The following ACOT7 variants were observed in gnomAD, a reference collection of about 807,000 sequenced individuals.
ACOT7 encodes cytosolic acyl coenzyme A thioester hydrolase.
In ACOT7, 12 loss-of-function variants were observed where a neutral mutation model predicts 40.2. The ratio of observed to expected loss-of-function variants is 0.30; its 90% CI spans 0.19 to 0.48. The LOEUF is 0.48. Ranked by LOEUF, ACOT7 falls within the 20% of genes least tolerant of loss-of-function variation. The pLI, the probability that ACOT7 is intolerant of heterozygous loss-of-function variation, is 0.99. For synonymous variants in ACOT7, 228 were observed against 219.5 expected (o/e 1.04, Z -0.34); for missense variants, 395 against 530.8 (o/e 0.74, Z 2.51).
Position 6,339,988 on chromosome 1 carries a change from T to C in ACOT7, c.262-399A>G, listed in dbSNP as rs570383949. Among the ~76,000 whole-genome samples the C allele has an allele frequency of 2.1e-4, 32 of 150,026 alleles. 2 individuals are homozygous for C. The highest frequency in any genetic ancestry group is 6.8e-4 in the African/African-American group (27 of 39,842). On this transcript the variant is annotated intron_variant, in intron 2 of 8. Coordinates refer to ENST00000361521, the MANE Select transcript of ACOT7 (RefSeq NM_007274.4). Reference sequence around the variant, plus strand: ...TTTGTTTTGTTTTTTGTTTTTGAGATGGAGTCTCGCTCTGTCACCCAGGCT... The same window carrying C: ...TTTGTTTTGTTTTTTGTTTTTGAGACGGAGTCTCGCTCTGTCACCCAGGCT...
At chr1:6,372,869 T>C (rs1450034337) in intron 1 of ACOT7, among the ~76,000 whole-genome samples, 1 of 152,038 alleles carries the variant, frequency 6.6e-6, no homozygotes, top group Non-Finnish European at 1.5e-5. Context: ...TGGCTTAAAG[T>C]GAGAGATGTG....
chr1:6,313,738 A>T (rs1640406694), intron 6 of ACOT7, among the ~76,000 whole-genome samples: 1 of 152,172 alleles, frequency 6.6e-6, no homozygotes, highest in Non-Finnish European at 1.5e-5. Flanking sequence ...GCCACAGGGC[A>T]GCAGAAGCCT....
At position 6,393,358 on chromosome 1, in the gene ACOT7, T is replaced by C; in HGVS notation, c.42A>G (p.Pro14=). ...GCGGCTGCAGAAGGGCGCAGGTGTC[T>C]GGCAGGCCCGGCGCGGAATGAATGA... The part of the protein sequence containing the change: ...PGLIHSAPGL[P]DTCALLQPPA... Residue 14 remains proline, a synonymous_variant, in exon 1 of 9, where the codon CCA becomes CCG. Coordinates refer to ENST00000361521, the MANE Select transcript of ACOT7 (RefSeq NM_007274.4). 3.2e-6 allele frequency: 4 copies of C among 1,241,180 alleles called. No homozygotes were observed. The highest frequency in any genetic ancestry group is 4.0e-6 in the Non-Finnish European group (4 of 991,368). The allele number at this position is 1,241,180 out of a possible 1,614,324, so 76.9% of individuals were successfully genotyped here. A position where few individuals can be genotyped will look rare whatever the true frequency, so the allele number is the denominator to read the frequency against.
At chr1:6,332,286 T>G (rs116042057) in intron 4 of ACOT7, among the ~76,000 whole-genome samples, 1 of 152,198 alleles carries the variant, frequency 6.6e-6, no homozygotes, top group South Asian at 2.1e-4. Flanking sequence ...CTGGGGGCTG[T>G]GGCCTGTGGA....
chr1:6,306,435 A>C lies in ACOT7; in HGVS notation c.713-11455T>G. 1 of 985,218 alleles carries C rather than the reference A, an allele frequency of 1.0e-6. No homozygotes were observed. The highest frequency in any genetic ancestry group is 1.2e-6 in the Non-Finnish European group (1 of 829,872). 61.0% of individuals were successfully genotyped at this position (985,218 alleles called of 1,614,324 possible). ...CTTGGACTGGAGTGATATGAACCCC[A>C]CGCCCAGGCTTTCAGGGTTGACACC... On this transcript the variant is annotated intron_variant, in intron 6 of 8. Transcript: ENST00000361521. The surrounding 1 kb of genome is among the most constrained non-coding windows in gnomAD (Gnocchi z 4.3).
rs145737349 is a variant in ACOT7 at position 6,281,475 on chromosome 1, T to C, written c.830-189A>G. On this transcript the variant is annotated intron_variant, in intron 7 of 8. Coordinates refer to ENST00000361521, the MANE Select transcript of ACOT7 (RefSeq NM_007274.4). ...TGCCCATGAATGTTTATCTTTCTAG[T>C]GAGCAGGTTTATCTACGCTAAAATT... Among the ~76,000 whole-genome samples, 382 of 152,370 alleles carry C rather than the reference T, an allele frequency of 2.5e-3. 1 individual carries two copies. The highest frequency in any genetic ancestry group is 8.9e-3 in the African/African-American group (370 of 41,586).
At chr1:6,341,168 GTC>G (rs1286506641) in intron 2 of ACOT7, among the ~76,000 whole-genome samples, 2 of 151,418 alleles carry the variant, frequency 1.3e-5, no homozygotes, top group Admixed American at 1.3e-4. Flanking sequence ...TTGAGATGGA[GTC>G]TCACTCTGTT....
rs372862725 is a variant in ACOT7, at chr1:6,336,724, G to C, written c.418+2709C>G. ...CACCCATTCAGCCAGTGCTCCCCGT[G>C]TGCCCACAGTGTGCCAGGCACTGTT... On this transcript the variant is annotated intron_variant, in intron 3 of 8. Coordinates refer to ENST00000361521, the MANE Select transcript of ACOT7 (RefSeq NM_007274.4). 4.6e-5 allele frequency among the ~76,000 whole-genome samples: 7 copies of C among 152,126 alleles called. No homozygotes were observed. The East Asian group carries it at 1.4e-3, about 29-fold the overall frequency.
rs771243064 is a variant in ACOT7, at chr1:6,327,290, G to A, written c.625+9C>T. ...AGTGGCACCTGCTGCTGGTGTCCGC[G>A]GCTCTTACCTGGGTTGAGGACTGGC... On this transcript the variant is annotated intron_variant, in intron 5 of 8. Coordinates refer to ENST00000361521, the MANE Select transcript of ACOT7 (RefSeq NM_007274.4). 14 of 1,613,882 alleles carry A rather than the reference G, an allele frequency of 8.7e-6. No individual in the cohort carries two copies. Among genetic ancestry groups the A allele is most frequent in the South Asian group, 2.2e-5 (2 of 91,048 alleles).
intron 1 of ACOT7, among the ~76,000 whole-genome samples, chr1:6,375,220 G>A (rs1023172256): frequency 1.2e-4 from 18 of 145,620 alleles, no homozygotes; most frequent in Admixed American, 9.8e-4. Context: ...CCAAGATCGC[G>A]CCACTGCACT....
At chr1:6,367,789 GTTT>G (rs1243505896) in intron 1 of ACOT7, among the ~76,000 whole-genome samples, 3 of 152,222 alleles carry the variant, frequency 2.0e-5, no homozygotes, top group Non-Finnish European at 2.9e-5. Flanking sequence ...GAAGGGGCAT[GTTT>G]CAGCCCTGTT....
At position 6,359,669 on chromosome 1, in the gene ACOT7, G is replaced by A. The variant is rs555382675; in HGVS notation, c.144-9803C>T. Reference sequence around the variant, plus strand: ...AAGAAAGAGGCCAAACAATCACAGCGGCCAGGGTGCAGGCTACAGGAGGCC... The same window carrying A: ...AAGAAAGAGGCCAAACAATCACAGCAGCCAGGGTGCAGGCTACAGGAGGCC... On this transcript the variant is annotated intron_variant, in intron 1 of 8. Transcript: ENST00000361521. The surrounding 1 kb of genome is among the most constrained non-coding windows in gnomAD (Gnocchi z 4.1). 1.3e-5 allele frequency among the ~76,000 whole-genome samples: 2 copies of A among 152,304 alleles called. No homozygotes were observed. The highest frequency in any genetic ancestry group is 2.1e-4 in the South Asian group (1 of 4,826).
chr1:6,360,161 C>A (rs1234030666), intron 1 of ACOT7, among the ~76,000 whole-genome samples: 1 of 152,262 alleles, frequency 6.6e-6, no homozygotes, highest in Non-Finnish European at 1.5e-5. Context: ...ACAAACCCCA[C>A]ACGCACTGGG....
At chr1:6,350,013 T>C (rs1641545054) in intron 1 of ACOT7, 147 bp from the exon 2 acceptor site, 1 of 787,168 alleles carries the variant, frequency 1.3e-6, no homozygotes, top group Admixed American at 2.3e-5. Flanking sequence ...TCTTCCTAGG[T>C]GGTGTGTTCG....
At chr1:6,389,843 G>A (rs1010853207) in intron 1 of ACOT7, among the ~76,000 whole-genome samples, 3 of 151,862 alleles carry the variant, frequency 2.0e-5, no homozygotes, top group Non-Finnish European at 4.4e-5. Flanking sequence ...GAGAACATGT[G>A]ACCATTGTGT....
intron 8 of ACOT7, among the ~76,000 whole-genome samples, chr1:6,266,663 G>T (rs936740984): frequency 1.5e-4 from 23 of 152,282 alleles, no homozygotes; most frequent in Admixed American, 1.4e-3. Flanking sequence ...GGGATATAGG[G>T]GCCTTGTCCT....
intron 2 of ACOT7, among the ~76,000 whole-genome samples, chr1:6,340,176 C>T (rs1462384523): frequency 6.6e-6 from 1 of 152,130 alleles, no homozygotes; most frequent in Non-Finnish European, 1.5e-5. Flanking sequence ...CCATGTTAGC[C>T]AGAATGGTCT....
intron 1 of ACOT7, among the ~76,000 whole-genome samples, chr1:6,371,049 T>A (rs2148473548): frequency 6.6e-6 from 1 of 152,268 alleles, no homozygotes; most frequent in East Asian, 1.9e-4. Flanking sequence ...GACCTCGTGA[T>A]CCACTTGCCT....
In ACOT7 at chr1:6,365,824, T is replaced by C. The variant is rs528905787; in HGVS notation, c.144-15958A>G. ...TGCTAACAATCATCTGAGCCTTCAG[T>C]GAGTGGTATTCTTTTTGCTGGCAGA... On this transcript the variant is annotated intron_variant, in intron 1 of 8. Transcript: ENST00000361521. Among the ~76,000 whole-genome samples the C allele has an allele frequency of 5.3e-5, 8 of 151,470 alleles. No homozygotes were observed. In the South Asian group the frequency reaches 1.7e-3, roughly 32 times the overall value.
Sources: allele counts gnomAD v4.1 joint callset (sites outside exome capture counted in the v4.1 genomes callset), GRCh38; gene constraint gnomAD v4.1.1; non-coding constraint Gnocchi (gnomAD v3.1); transcripts MANE v1.5; gene names NCBI Gene and HGNC (gene_info 2026-07-23, HGNC 2026-07-21).